PACSIN2: variants seen among roughly 807,000 people sequenced by gnomAD.
The protein encoded by PACSIN2 is protein kinase C and casein kinase substrate in neurons protein 2.
PACSIN2 carries 25 observed loss-of-function variants against 63.8 expected under a neutral mutation model. The observed-to-expected ratio is 0.39, with a 90% CI of 0.29 to 0.55. The LOEUF is 0.55. Among genes scored for constraint, PACSIN2 ranks in the 20% least tolerant of loss-of-function variants. PACSIN2 has a pLI of 0.62. For synonymous variants in PACSIN2, 255 were observed against 256.2 expected, an observed-to-expected ratio of 1.00 and a Z score of 0.05; for missense variants, 518 against 646.9, an observed-to-expected ratio of 0.80 and a Z score of 2.16.
chr22:42,959,009 T>G (rs995848796), intron 1 of PACSIN2, among the ~76,000 whole-genome samples: 1 of 152,132 alleles, frequency 6.6e-6, no homozygotes, highest in Non-Finnish European at 1.5e-5. Flanking sequence ...ATTAAAACAA[T>G]AAGACTTTTA....
At chr22:42,897,651 CCT>C (rs1194563106) in intron 2 of PACSIN2, among the ~76,000 whole-genome samples, 6 of 152,200 alleles carry the variant, frequency 3.9e-5, no homozygotes, top group East Asian at 1.9e-4. Context: ...CCTTCACTCC[CCT>C]GAGGGACTGC....
intron 1 of PACSIN2, among the ~76,000 whole-genome samples, chr22:42,989,763 C>A (rs189796215): frequency 6.7e-6 from 1 of 150,162 alleles, no homozygotes; most frequent in African/African-American, 2.5e-5. Flanking sequence ...ATCGCGCCAC[C>A]GCATTCCAGC....
chr22:43,011,740 G>C (rs1209676763), intron 1 of PACSIN2, among the ~76,000 whole-genome samples: 2 of 152,084 alleles, frequency 1.3e-5, no homozygotes, highest in African/African-American at 4.8e-5. Flanking sequence ...AACCAGGCAA[G>C]GTGGCAGGCG....
intron 1 of PACSIN2, among the ~76,000 whole-genome samples, chr22:42,935,154 T>A (rs1449840011): frequency 6.6e-6 from 1 of 151,814 alleles, no homozygotes; most frequent in Admixed American, 6.6e-5. Flanking sequence ...CTCGATCTCC[T>A]GACCTCATGA....
chr22:42,963,862 T>C (rs1031229054), intron 1 of PACSIN2, among the ~76,000 whole-genome samples: 22 of 151,812 alleles, frequency 1.4e-4, no homozygotes, highest in Non-Finnish European at 2.8e-4. Flanking sequence ...TTTTCACCAC[T>C]TCTCTACTGG....
chr22:42,989,867 A>AT (rs1207823988), intron 1 of PACSIN2, among the ~76,000 whole-genome samples: 114 of 125,180 alleles, frequency 9.1e-4, no homozygotes, highest in African/African-American at 1.8e-3. Flanking sequence ...GGGAAAAAAA[A>AT]ATATATATAT....
At chr22:42,884,885 G>A (rs1929360264) in intron 5 of PACSIN2, among the ~76,000 whole-genome samples, 1 of 152,244 alleles carries the variant, frequency 6.6e-6, no homozygotes, top group East Asian at 1.9e-4. Flanking sequence ...GAAGGGCTGT[G>A]CCTGGCTACC....
At chr22:42,989,061 T>C (rs1156859265) in intron 1 of PACSIN2, among the ~76,000 whole-genome samples, 1 of 152,140 alleles carries the variant, frequency 6.6e-6, no homozygotes. Flanking sequence ...AAATTTTCTG[T>C]AGACACAGGG....
chr22:43,002,421 C>T (rs954889269), intron 1 of PACSIN2: 5 of 152,136 alleles, frequency 3.3e-5, no homozygotes, highest in African/African-American at 7.2e-5. Context: ...TCTAAAACAG[C>T]GTTCCTTGCT....
intron 2 of PACSIN2, among the ~76,000 whole-genome samples, chr22:42,906,335 C>T (rs1017201155): frequency 1.3e-5 from 2 of 152,258 alleles, no homozygotes; most frequent in Non-Finnish European, 2.9e-5. Flanking sequence ...GCTCTAATCT[C>T]AACGTCAAAG....
rs1342242116 is a variant in PACSIN2 at position 42,871,192 on chromosome 22, C to G, written c.*165G>C. 4.8e-6 allele frequency: 3 copies of G among 624,478 alleles called. No homozygotes were observed. Among genetic ancestry groups the G allele is most frequent in the Admixed American group, 4.9e-5 (2 of 41,112 alleles). 38.7% of individuals were successfully genotyped at this position (624,478 alleles called of 1,614,324 possible). ...CCTCCAGCTGCACTCGGAAAGGTGCCGAGTCCCAGGCGAAATGACCAGCTC... is the reference window on the plus strand; with the variant it reads ...CCTCCAGCTGCACTCGGAAAGGTGCGGAGTCCCAGGCGAAATGACCAGCTC... On this transcript the variant is annotated 3_prime_UTR_variant, in exon 11 of 11. Coordinates refer to ENST00000263246, the MANE Select transcript of PACSIN2 (RefSeq NM_001184970.3). This position sits in a 1 kb window ranked among gnomAD's most constrained non-coding sequence, Gnocchi z 5.4.
rs1555944120 is a variant in PACSIN2 at position 42,983,499 on chromosome 22, A to AAAAC, written c.-78+31521_-78+31522insGTTT. On this transcript the variant is annotated intron_variant, in intron 1 of 10. Coordinates refer to ENST00000263246, the MANE Select transcript of PACSIN2 (RefSeq NM_001184970.3). ...AGTGAGACTCCATCTCAAAAAAAAA[A>AAAAC]AAAAAAAAACAGATATTGAAGGCAA... Among the ~76,000 whole-genome samples, 592 of 145,876 alleles carry AAAAC rather than the reference A, an allele frequency of 4.1e-3. 12 individuals are homozygous for AAAAC. Among genetic ancestry groups the AAAAC allele is most frequent in the Non-Finnish European group, 6.1e-3 (408 of 66,530 alleles).
chr22:42,900,096 C>A (rs1036498158), intron 2 of PACSIN2, among the ~76,000 whole-genome samples: 1 of 152,132 alleles, frequency 6.6e-6, no homozygotes, highest in Non-Finnish European at 1.5e-5. Context: ...TGATGCAGCC[C>A]GTCCTTGCTG....
intron 1 of PACSIN2, among the ~76,000 whole-genome samples, chr22:42,969,686 T>C (rs1023260301): frequency 1.3e-5 from 2 of 152,030 alleles, no homozygotes; most frequent in African/African-American, 4.8e-5. Context: ...TGCCTGTAAT[T>C]CCAGCACTCT....
intron 1 of PACSIN2, among the ~76,000 whole-genome samples, chr22:42,935,326 C>T (rs1185522493): frequency 6.6e-6 from 1 of 152,086 alleles, no homozygotes; most frequent in Non-Finnish European, 1.5e-5. Context: ...TTCCCCTGAC[C>T]TAACTCACCA....
intron 1 of PACSIN2, among the ~76,000 whole-genome samples, chr22:42,931,167 A>G (rs1932770918): frequency 6.6e-6 from 1 of 152,268 alleles, no homozygotes; most frequent in East Asian, 1.9e-4. Context: ...TCACAGTTGT[A>G]TCCCACGGCT....
chr22:42,873,310 G>A (rs1928317360), intron 10 of PACSIN2, among the ~76,000 whole-genome samples: 1 of 152,176 alleles, frequency 6.6e-6, no homozygotes, highest in Admixed American at 6.5e-5. Flanking sequence ...AACAAAGTCG[G>A]GGGTAACAAC....
At chr22:42,959,180 T>C (rs2146846121) in intron 1 of PACSIN2, among the ~76,000 whole-genome samples, 1 of 152,286 alleles carries the variant, frequency 6.6e-6, no homozygotes, top group South Asian at 2.1e-4. Context: ...GATCAGAGAC[T>C]CTGCAGTAAA....
chr22:42,905,733 G>A (rs1317668852), intron 2 of PACSIN2, among the ~76,000 whole-genome samples: 1 of 152,244 alleles, frequency 6.6e-6, no homozygotes, highest in Non-Finnish European at 1.5e-5. Flanking sequence ...ACGGCCTGCA[G>A]CAGCCAGCCA....
Sources: gnomAD v4.1 joint callset for allele counts (sites outside exome capture counted in the v4.1 genomes callset) on GRCh38, gnomAD v4.1.1 for gene constraint, Gnocchi (gnomAD v3.1) non-coding constraint, MANE v1.5 for transcripts, NCBI Gene and HGNC (gene_info 2026-07-23, HGNC 2026-07-21) for gene names.